PCDHA4: variants seen among roughly 807,000 people sequenced by gnomAD.
The protein encoded by PCDHA4 is protocadherin alpha 4.
A neutral mutation model predicts 61.4 loss-of-function variants in PCDHA4; 49 were observed. The ratio of observed to expected loss-of-function variants is 0.80; its 90% CI spans 0.63 to 1.01. PCDHA4 has a LOEUF of 1.01. PCDHA4 is among the 50% of genes least tolerant of loss of function. The probability of loss-of-function intolerance (pLI) is 0.00; values close to 1 mark genes in which losing one functional copy is unlikely to be tolerated. For synonymous variants in PCDHA4, 590 were observed against 550.3 expected, an observed-to-expected ratio of 1.07 and a Z score of -1.01; for missense variants, 1,254 against 1,235.8, an observed-to-expected ratio of 1.01 and a Z score of -0.22.
At chr5:140,994,998 G>A (rs2097659261) in intron 3 of PCDHA4, among the ~76,000 whole-genome samples, 1 of 152,150 alleles carries the variant, frequency 6.6e-6, no homozygotes, top group African/African-American at 2.4e-5. Context: ...AGGTTAGTTG[G>A]TTTGTTTATA....
At chr5:140,869,591 A>AGAAT in intron 1 of PCDHA4, 1 of 1,614,138 alleles carries the variant, frequency 6.2e-7, no homozygotes. Flanking sequence ...GCTGACATTG[A>AGAAT]AGAGAATGCT....
At chr5:140,981,342 G>A (rs2096927846) in intron 2 of PCDHA4, among the ~76,000 whole-genome samples, 1 of 152,176 alleles carries the variant, frequency 6.6e-6, no homozygotes, top group African/African-American at 2.4e-5. Flanking sequence ...GGGAGGGTGA[G>A]GCAGGTGGAT....
rs538609667 is a variant in PCDHA4, at chr5:140,808,912, C to G, written c.1725C>G (p.Gly575=). 8.1e-6 allele frequency: 13 copies of G among 1,613,494 alleles called. No homozygotes were observed. Among genetic ancestry groups the G allele is most frequent in the Non-Finnish European group, 1.1e-5 (13 of 1,179,836 alleles). ...CGCCTCGGGCGGGTGGCACTGGTGG[C>G]GCAGTGAGCGAGCTGGTGCCATGGT... ...LLAPRAGGTG[G]AVSELVPWSV... is the part of the protein sequence containing the mutation. The change falls in exon 1 of 4, where the codon GGC becomes GGG. Residue 575 remains glycine (G), a synonymous_variant. Transcript: ENST00000530339.
At chr5:140,966,267 G>T (rs141363782) in intron 1 of PCDHA4, 112 of 351,092 alleles carry the variant, frequency 3.2e-4, no homozygotes, top group Non-Finnish European at 4.7e-4. Context: ...GAGACTGGAT[G>T]AACTGGACAG....
chr5:140,867,814 A>G (rs1277915043), intron 1 of PCDHA4: 1 of 152,106 alleles, frequency 6.6e-6, no homozygotes, highest in East Asian at 1.9e-4. Flanking sequence ...ATGAAATTCC[A>G]TTTCCACAAG....
At position 140,900,403 on chromosome 5, in the gene PCDHA4, A is replaced by G. The variant is rs569079456; in HGVS notation, c.2386-78546A>G. ...AGCGATTCTCCTGCCTCAGCCTCCC[A>G]AGTAGCTGGGATTATAGGCACGTGC... On this transcript the variant is annotated intron_variant, in intron 1 of 3. Coordinates refer to ENST00000530339, the MANE Select transcript of PCDHA4 (RefSeq NM_018907.4). 2.4e-3 allele frequency among the ~76,000 whole-genome samples: 360 copies of G among 152,066 alleles called. 1 individual carries two copies. Among genetic ancestry groups the G allele is most frequent in the African/African-American group, 8.1e-3 (336 of 41,500 alleles).
At chr5:140,888,623 C>T (rs1456857060) in intron 1 of PCDHA4, among the ~76,000 whole-genome samples, 1 of 152,160 alleles carries the variant, frequency 6.6e-6, no homozygotes. Context: ...ACTAATTCGG[C>T]CTTCTATTAC....
chr5:140,920,519 C>T lies in PCDHA4; in HGVS notation c.2386-58430C>T, dbSNP rs555001599. Among the ~76,000 whole-genome samples the T allele has an allele frequency of 2.9e-4, 44 of 152,246 alleles. 2 individuals are homozygous for T. The highest frequency in any genetic ancestry group is 2.8e-4 in the Non-Finnish European group (19 of 68,008). On this transcript the variant is annotated intron_variant, in intron 1 of 3. Coordinates refer to ENST00000530339, the MANE Select transcript of PCDHA4 (RefSeq NM_018907.4). The stretch of plus-strand genomic sequence containing the variant: ...GTTCTACATACTGTTTTATGCAATT[C>T]GTTAGACTCAGGTTTTCTATTTCAC...
At chr5:140,822,314 A>G (rs2150115464) in intron 1 of PCDHA4, 12 of 1,614,202 alleles carry the variant, frequency 7.4e-6, no homozygotes, top group South Asian at 2.2e-5. Context: ...TTTGACTTAG[A>G]TGTTAAAACA....
rs2150468826 is a variant in PCDHA4, at chr5:140,850,123, C to G, written c.2385+40551C>G. ...GTGAGCGCGCGCGACGCGGGCGTGCCGCCTCTGGGCAGCAACGTGACGCTG... is the reference window on the plus strand; with the variant it reads ...GTGAGCGCGCGCGACGCGGGCGTGCGGCCTCTGGGCAGCAACGTGACGCTG... On this transcript the variant is annotated intron_variant, in intron 1 of 3. Coordinates refer to ENST00000530339, the MANE Select transcript of PCDHA4 (RefSeq NM_018907.4). The G allele has an allele frequency of 1.3e-5, 21 of 1,595,804 alleles. 4 individuals carry two copies. The highest frequency in any genetic ancestry group is 2.7e-5 in the African/African-American group (2 of 74,358).
At position 140,843,462 on chromosome 5, in the gene PCDHA4, C is replaced by A. The variant is rs557665140; in HGVS notation, c.2385+33890C>A. The A allele has an allele frequency of 3.1e-6, 5 of 1,595,930 alleles. 1 individual carries two copies. In the African/African-American group the frequency reaches 5.4e-5, roughly 17 times the overall value. On this transcript the variant is annotated intron_variant, in intron 1 of 3. Coordinates refer to ENST00000530339, the MANE Select transcript of PCDHA4 (RefSeq NM_018907.4). ...GCGGTATCCAGCCTGCTGGTGCTCACGCTGCTGCTGTACACTGCGCTGCGG... is the reference window on the plus strand; with the variant it reads ...GCGGTATCCAGCCTGCTGGTGCTCAAGCTGCTGCTGTACACTGCGCTGCGG...
rs113124123 is a variant in PCDHA4 at position 140,823,491 on chromosome 5, C to G, written c.2385+13919C>G. On this transcript the variant is annotated intron_variant, in intron 1 of 3. Coordinates refer to ENST00000530339, the MANE Select transcript of PCDHA4 (RefSeq NM_018907.4). ...TGCTGGTGCCTCGAGTGGGTGGCAC[C>G]GGCGGCGCAGTGAGCGAGCTGGTGC... is the stretch of plus-strand genomic sequence containing the variant. 2.2e-3 allele frequency: 3,506 copies of G among 1,613,202 alleles called. 74 individuals carry two copies. The African/African-American group carries it at 0.041, about 19-fold the overall frequency.
At chr5:140,892,563 T>G (rs1554185281) in intron 1 of PCDHA4, among the ~76,000 whole-genome samples, 2 of 152,248 alleles carry the variant, frequency 1.3e-5, no homozygotes, top group Admixed American at 6.5e-5. Context: ...CCTTGGAGAC[T>G]GTCAAAAGTA....
chr5:140,939,388 A>C, intron 1 of PCDHA4, among the ~76,000 whole-genome samples: 1 of 152,232 alleles, frequency 6.6e-6, no homozygotes, highest in East Asian at 1.9e-4. Context: ...CATTCAGATC[A>C]TAGCAAGTTT....
chr5:140,831,960 C>A (rs2150110933), intron 1 of PCDHA4, among the ~76,000 whole-genome samples: 1 of 152,212 alleles, frequency 6.6e-6, no homozygotes, highest in East Asian at 1.9e-4. Context: ...AACTTTATGT[C>A]ATTTTATGCT....
intron 1 of PCDHA4, chr5:140,927,217 A>C: frequency 6.2e-7 from 1 of 1,614,082 alleles, no homozygotes; most frequent in Non-Finnish European, 8.5e-7. Context: ...GGAGCTGCAC[A>C]AGATTCGGAT....
intron 3 of PCDHA4, among the ~76,000 whole-genome samples, chr5:140,990,611 G>A (rs577900189): frequency 6.6e-6 from 1 of 152,116 alleles, no homozygotes; most frequent in Non-Finnish European, 1.5e-5. Context: ...GATGAATACC[G>A]TAAAGGTCTG....
At chr5:140,857,793 G>T (rs782663646) in intron 1 of PCDHA4, 3 of 1,597,706 alleles carry the variant, frequency 1.9e-6, no homozygotes, top group Non-Finnish European at 2.6e-6. Flanking sequence ...CTGGTGCTGC[G>T]GTCGGTGGTT....
chr5:140,977,839 C>G (rs1400370638), intron 1 of PCDHA4, among the ~76,000 whole-genome samples: 1 of 152,176 alleles, frequency 6.6e-6, no homozygotes, highest in South Asian at 2.1e-4. Context: ...ATTGATATTA[C>G]TATGGCTTTG....
Sources: allele counts gnomAD v4.1 joint callset (sites outside exome capture counted in the v4.1 genomes callset), GRCh38; gene constraint gnomAD v4.1.1; transcripts MANE v1.5; gene names NCBI Gene and HGNC (gene_info 2026-07-23, HGNC 2026-07-21).